Variants in TRPM3 observed in about 807,000 individuals in gnomAD.
The protein encoded by TRPM3 is transient receptor potential cation channel subfamily M member 3.
TRPM3 carries 77 observed loss-of-function variants against 181.2 expected under a neutral mutation model. That is an observed-to-expected ratio of 0.42 (90% CI 0.35 to 0.51). The LOEUF (loss-of-function observed/expected upper bound fraction) is 0.51. TRPM3 is among the 20% of genes least tolerant of loss of function. TRPM3 has a pLI of 0.01. For synonymous variants in TRPM3, 745 were observed against 796.4 expected, an observed-to-expected ratio of 0.94 and a Z score of 1.09; for missense variants, 1,759 against 2,196.7, an observed-to-expected ratio of 0.80 and a Z score of 3.98.
At chr9:71,290,851 G>A (rs980431439) in intron 1 of TRPM3, among the ~76,000 whole-genome samples, 8 of 149,846 alleles carry the variant, frequency 5.3e-5, no homozygotes, top group African/African-American at 2.0e-4. Context: ...AATGACATAA[G>A]TGTATAAAAT....
At chr9:71,226,667 T>C in intron 1 of TRPM3, among the ~76,000 whole-genome samples, 1 of 152,066 alleles carries the variant, frequency 6.6e-6, no homozygotes, top group East Asian at 1.9e-4. Flanking sequence ...TATACAGATA[T>C]ATATATACAC....
chr9:70,536,035 G>A lies in TRPM3; in HGVS notation c.5078C>T (p.Pro1693Leu), dbSNP rs147592380. The part of the protein sequence containing the change: ...NPFQRSKSSK[P>L]EGRGDSLSMR... ...GGACAGGCTGTCCCCTCGGCCCTCC[G>A]GCTTGGAGGACTTGCTTCTCTGGAA... The change falls in exon 26 of 26, where the codon CCG becomes CTG. Residue 1693 changes from proline to leucine, a missense_variant. This residue lies in a region of TRPM3 where 612 missense variants were observed against 590.0 expected (regional missense o/e 1.04). Coordinates refer to ENST00000677713, the MANE Select transcript of TRPM3 (RefSeq NM_001366145.2). 34 of 1,614,180 alleles carry A rather than the reference G, an allele frequency of 2.1e-5. No homozygotes were observed. The African/African-American group carries it at 2.3e-4, about 11-fold the overall frequency.
intron 1 of TRPM3, among the ~76,000 whole-genome samples, chr9:70,952,729 A>G (rs1445806819): frequency 2.0e-5 from 3 of 152,152 alleles, no homozygotes; most frequent in Non-Finnish European, 4.4e-5. Context: ...TTGAGGCTGT[A>G]GTGACAAAAT....
In TRPM3 at chr9:71,417,517, T is replaced by G. The variant is rs2093654626; in HGVS notation, c.183+29136A>C. ...GGCACATGCACATACGCTAGCACAA[T>G]GCCTGCCCCAACAGCAACTGAATGA... On this transcript the variant is annotated intron_variant, in intron 1 of 24. Transcript: ENST00000357533. Among the ~76,000 whole-genome samples, 4 of 152,034 alleles carry G rather than the reference T, an allele frequency of 2.6e-5. 1 individual carries two copies. The South Asian group carries it at 8.3e-4, about 31-fold the overall frequency.
intron 1 of TRPM3, among the ~76,000 whole-genome samples, chr9:70,963,374 A>G (rs751500761): frequency 2.0e-5 from 3 of 152,292 alleles, no homozygotes; most frequent in African/African-American, 7.2e-5. Flanking sequence ...CAAACAATAC[A>G]TACCATTTTA....
At chr9:71,426,367 T>C (rs1336809613) in intron 1 of TRPM3, among the ~76,000 whole-genome samples, 1 of 151,964 alleles carries the variant, frequency 6.6e-6, no homozygotes, top group Non-Finnish European at 1.5e-5. Context: ...CACTTTTACA[T>C]ATTACCTAAC....
intron 1 of TRPM3, among the ~76,000 whole-genome samples, chr9:71,047,682 C>G (rs936933457): frequency 3.3e-5 from 5 of 152,112 alleles, no homozygotes; most frequent in South Asian, 2.1e-4. Context: ...AGAACTCATT[C>G]CTTTGTCATC....
At chr9:71,128,463 A>T (rs1441023161) in intron 1 of TRPM3, among the ~76,000 whole-genome samples, 2 of 152,184 alleles carry the variant, frequency 1.3e-5, no homozygotes, top group Admixed American at 1.3e-4. Context: ...GAGTTCCCGG[A>T]GGCTTGTTAA....
intron 1 of TRPM3, among the ~76,000 whole-genome samples, chr9:71,281,696 T>A (rs2084719232): frequency 6.6e-6 from 1 of 152,190 alleles, no homozygotes; most frequent in Non-Finnish European, 1.5e-5. Flanking sequence ...CTTATTAAAT[T>A]CATAAAAATT....
chr9:71,420,689 G>GA (rs2093720169), intron 1 of TRPM3, among the ~76,000 whole-genome samples: 2 of 39,648 alleles, frequency 5.0e-5, no homozygotes, highest in Admixed American at 3.9e-4. Context: ...GAAAGAGAAA[G>GA]GGAAAGAGAA....
At chr9:70,701,580 T>C (rs2072596693) in intron 8 of TRPM3, among the ~76,000 whole-genome samples, 4 of 147,866 alleles carry the variant, frequency 2.7e-5, no homozygotes, top group Admixed American at 6.8e-5. Context: ...TTCTGATTCT[T>C]GCATATATTC....
At chr9:70,825,811 C>T (rs2093519788) in intron 6 of TRPM3, 1 of 152,232 alleles carries the variant, frequency 6.6e-6, no homozygotes, top group Admixed American at 6.5e-5. Context: ...AAGGGTACTC[C>T]CTCTGGGATG....
chr9:71,115,949 T>C lies in TRPM3; in HGVS notation c.177+5229A>G, dbSNP rs572282907. On this transcript the variant is annotated intron_variant, in intron 1 of 25. Coordinates refer to ENST00000677713, the MANE Select transcript of TRPM3 (RefSeq NM_001366145.2). Reference sequence around the variant, plus strand: ...TTGATACACACCAGACCATTTTCCCTCTCTGCTGGGTTTTAGTTTGGTCCC... The same window carrying C: ...TTGATACACACCAGACCATTTTCCCCCTCTGCTGGGTTTTAGTTTGGTCCC... Among the ~76,000 whole-genome samples the C allele has an allele frequency of 1.1e-4, 16 of 152,312 alleles. No individual in the cohort carries two copies. In the East Asian group the frequency reaches 2.9e-3, roughly 28 times the overall value.
chr9:71,062,980 A>T (rs932156518), intron 1 of TRPM3, among the ~76,000 whole-genome samples: 1 of 152,178 alleles, frequency 6.6e-6, no homozygotes, highest in Non-Finnish European at 1.5e-5. Context: ...ACAACACAAA[A>T]GGGACTAAGA....
At chr9:70,986,996 C>G (rs2097428259) in intron 1 of TRPM3, among the ~76,000 whole-genome samples, 1 of 151,316 alleles carries the variant, frequency 6.6e-6, no homozygotes, top group Non-Finnish European at 1.5e-5. Context: ...TGACATGTAT[C>G]TAGTGTGACT....
At chr9:70,654,799 C>T (rs2060062823) in intron 9 of TRPM3, among the ~76,000 whole-genome samples, 1 of 151,596 alleles carries the variant, frequency 6.6e-6, no homozygotes, top group Non-Finnish European at 1.5e-5. Flanking sequence ...TCTCCTGCCT[C>T]AGCCTCCTGA....
In TRPM3 at chr9:71,330,937, T is replaced by C. The variant is rs369341362; in HGVS notation, c.183+115716A>G. Among the ~76,000 whole-genome samples the C allele has an allele frequency of 2.0e-4, 31 of 152,012 alleles. No individual in the cohort carries two copies. In the South Asian group the frequency reaches 6.4e-3, roughly 32 times the overall value. Reference sequence around the variant, plus strand: ...GGCCTAGATACGTCTCCATTTGTTTTACAAGACTTGTCTGGGTCTCAAAAA... The same window carrying C: ...GGCCTAGATACGTCTCCATTTGTTTCACAAGACTTGTCTGGGTCTCAAAAA... On this transcript the variant is annotated intron_variant, in intron 1 of 24. Transcript: ENST00000357533.
chr9:70,776,168 C>T (rs10868885), intron 7 of TRPM3: 125,159 of 300,218 alleles, frequency 0.42, 28,867 homozygotes, highest in Non-Finnish European at 0.48. Flanking sequence ...AGAGTAAACC[C>T]GCACCTTGTC....
intron 9 of TRPM3, among the ~76,000 whole-genome samples, chr9:70,663,042 C>G (rs1006386315): frequency 6.6e-6 from 1 of 152,040 alleles, no homozygotes; most frequent in Non-Finnish European, 1.5e-5. Context: ...ATACACACCA[C>G]GGAATATTAC....
Sources: allele counts gnomAD v4.1 joint callset (sites outside exome capture counted in the v4.1 genomes callset), GRCh38; gene constraint gnomAD v4.1.1; regional missense constraint gnomAD v4.1.1; transcripts MANE v1.5; gene names NCBI Gene and HGNC (gene_info 2026-07-23, HGNC 2026-07-21).